ACTR3C: variants seen among roughly 807,000 people sequenced by gnomAD.
ACTR3C encodes the protein actin related protein 3C.
In ACTR3C, 18 loss-of-function variants were observed where a neutral mutation model predicts 26.3. The ratio of observed to expected loss-of-function variants is 0.68; its 90% CI spans 0.47 to 1.01. The LOEUF is 1.01. ACTR3C is among the 50% of genes least tolerant of loss of function. ACTR3C has a pLI of 0.00. For synonymous variants in ACTR3C, 55 were observed against 94.5 expected (o/e 0.58, Z 2.42); for missense variants, 184 against 250.7 (o/e 0.73, Z 1.80).
chr7:150,132,028 C>A, the ACTR3C span, among the ~76,000 whole-genome samples: 1 of 152,180 alleles, frequency 6.6e-6, no homozygotes, highest in Non-Finnish European at 1.5e-5. Context: ...TTTGGTTATA[C>A]TACAGCGATG....
At chr7:150,211,928 T>C in the ACTR3C span, among the ~76,000 whole-genome samples, 1 of 146,730 alleles carries the variant, frequency 6.8e-6, no homozygotes, top group Admixed American at 6.6e-5. Flanking sequence ...GTGCGCACAT[T>C]TTGTCAGATG....
chr7:150,209,770 G>A, the ACTR3C span, among the ~76,000 whole-genome samples: 1 of 124,516 alleles, frequency 8.0e-6, no homozygotes, highest in Admixed American at 7.8e-5. Flanking sequence ...CACAAAATTA[G>A]CTGGGTGTGG....
At chr7:150,065,475 T>C in the ACTR3C span, among the ~76,000 whole-genome samples, 1 of 152,206 alleles carries the variant, frequency 6.6e-6, no homozygotes, top group Non-Finnish European at 1.5e-5. Context: ...CATGAAGAGA[T>C]GGCATGTAAG....
chr7:150,079,752 C>G, the ACTR3C span, among the ~76,000 whole-genome samples: 1 of 152,274 alleles, frequency 6.6e-6, no homozygotes, highest in Middle Eastern at 3.4e-3. Context: ...CATTTGGTCA[C>G]CAAGGAGTCT....
At chr7:150,312,154 C>G (rs1196865145) in intron 1 of ACTR3C, among the ~76,000 whole-genome samples, 1 of 152,208 alleles carries the variant, frequency 6.6e-6, no homozygotes, top group African/African-American at 2.4e-5. Flanking sequence ...ATTCCAGCCC[C>G]CACTCCAGAA....
At chr7:150,033,494 T>A in the ACTR3C span, among the ~76,000 whole-genome samples, 1 of 152,192 alleles carries the variant, frequency 6.6e-6, no homozygotes, top group Admixed American at 6.5e-5. Flanking sequence ...GGACACCTAA[T>A]ATCCACAGTA....
the ACTR3C span, among the ~76,000 whole-genome samples, chr7:150,201,951 C>T: frequency 2.6e-5 from 4 of 152,072 alleles, no homozygotes; most frequent in African/African-American, 9.7e-5. Flanking sequence ...GAAGCGTTTG[C>T]CTCACAGCAT....
At chr7:149,970,090 T>A in the ACTR3C span, among the ~76,000 whole-genome samples, 1 of 152,106 alleles carries the variant, frequency 6.6e-6, no homozygotes, top group African/African-American at 2.4e-5. Flanking sequence ...AAAATGAGTA[T>A]ATTCAGAAGG....
chr7:150,237,055 G>T, the ACTR3C span, among the ~76,000 whole-genome samples: 1 of 151,636 alleles, frequency 6.6e-6, no homozygotes, highest in Non-Finnish European at 1.5e-5. Context: ...GCCAGGGGTA[G>T]GTGAAGCCCA....
the ACTR3C span, among the ~76,000 whole-genome samples, chr7:150,070,603 G>A: frequency 3.3e-5 from 5 of 151,948 alleles, no homozygotes; most frequent in East Asian, 1.9e-4. Context: ...GGTGTGCGCC[G>A]CCACGCCTGG....
the ACTR3C span, among the ~76,000 whole-genome samples, chr7:150,037,526 C>CT: frequency 4.3e-5 from 2 of 46,668 alleles, 1 homozygote; most frequent in Non-Finnish European, 9.4e-5. Flanking sequence ...TCAGTCCCCA[C>CT]CTTCGCGGGG....
At chr7:149,969,559 C>G in the ACTR3C span, among the ~76,000 whole-genome samples, 171 of 152,232 alleles carry the variant, frequency 1.1e-3, 1 homozygote, top group African/African-American at 3.9e-3. Context: ...TTAATCTATA[C>G]CTAAAATGCC....
the ACTR3C span, among the ~76,000 whole-genome samples, chr7:150,180,132 C>T: frequency 6.7e-6 from 1 of 150,340 alleles, no homozygotes; most frequent in Non-Finnish European, 1.5e-5. Context: ...GGTGAAACCC[C>T]ATCTCTACTA....
chr7:149,979,946 T>G, the ACTR3C span, among the ~76,000 whole-genome samples: 1 of 146,642 alleles, frequency 6.8e-6, no homozygotes, highest in African/African-American at 2.7e-5. Flanking sequence ...GGAGAAGAAT[T>G]AAGAATGAGG....
chr7:150,146,236 C>A, the ACTR3C span, among the ~76,000 whole-genome samples: 5 of 151,630 alleles, frequency 3.3e-5, no homozygotes, highest in Non-Finnish European at 7.4e-5. Flanking sequence ...GACCCCTATT[C>A]TCTCTCCAAG....
the ACTR3C span, among the ~76,000 whole-genome samples, chr7:150,168,949 C>G: frequency 1.3e-4 from 19 of 150,860 alleles, no homozygotes; most frequent in African/African-American, 4.5e-4. Flanking sequence ...TGAATTTCTG[C>G]ATCCCCGAAA....
chr7:149,907,221 C>T, the ACTR3C span, among the ~76,000 whole-genome samples: 2 of 92,516 alleles, frequency 2.2e-5, no homozygotes, highest in African/African-American at 4.2e-5. Flanking sequence ...GGCGCTCTCC[C>T]CACCATCCCA....
At chr7:150,079,162 C>T in the ACTR3C span, among the ~76,000 whole-genome samples, 151 of 152,256 alleles carry the variant, frequency 9.9e-4, no homozygotes, top group Admixed American at 2.7e-3. Context: ...AGGTCACTTA[C>T]GTGACTTCTG....
the ACTR3C span, among the ~76,000 whole-genome samples, chr7:150,078,302 A>G: frequency 6.9e-6 from 1 of 145,006 alleles, no homozygotes; most frequent in Non-Finnish European, 1.5e-5. Context: ...TAAACCGTCT[A>G]TCTGTTGCTT....
Sources: gnomAD v4.1 joint callset for allele counts (sites outside exome capture counted in the v4.1 genomes callset) on GRCh38, gnomAD v4.1.1 for gene constraint, MANE v1.5 for transcripts, NCBI Gene and HGNC (gene_info 2026-07-23, HGNC 2026-07-21) for gene names.